The following AKNA variants were observed in gnomAD, a reference collection of about 807,000 sequenced individuals.
The protein encoded by AKNA is AT-hook transcription factor.
Under a neutral mutation model 138.8 loss-of-function variants are expected in AKNA, and 67 were observed. That is an observed-to-expected ratio of 0.48 (90% confidence interval 0.40 to 0.59). The LOEUF (loss-of-function observed/expected upper bound fraction) is 0.59, where lower values mean the gene tolerates loss of function less well. Ranked by LOEUF, AKNA falls within the 20% of genes least tolerant of loss-of-function variation. AKNA has a pLI of 0.00. For missense variants in AKNA, 1,813 were observed against 1,880.4 expected, an observed-to-expected ratio of 0.96 and a Z score of 0.66; for synonymous variants, 737 against 754.4, an observed-to-expected ratio of 0.98 and a Z score of 0.38.
chr9:114,386,713 C>G (rs1359741169), intron 1 of AKNA, among the ~76,000 whole-genome samples: 1 of 152,168 alleles, frequency 6.6e-6, no homozygotes, highest in African/African-American at 2.4e-5. Flanking sequence ...TAACAGACCC[C>G]TGAGGTGTCT....
At position 114,345,661 on chromosome 9, in the gene AKNA, CTGAATGAATGAA is replaced by C. The variant is rs201959374; in HGVS notation, c.3661+190_3661+201del. On this transcript the variant is annotated intron_variant, in intron 18 of 21. Coordinates refer to ENST00000374088, the MANE Select transcript of AKNA (RefSeq NM_001317950.2). ...AAGGGGAAGCATCAGAAAGTGTTTG[CTGAATGAATGAA>C]TGAATGAATGAATGAACAAGTGCAC... The C allele has an allele frequency of 1.5e-5, 8 of 545,286 alleles. No individual in the cohort carries two copies. In the Admixed American group the frequency reaches 2.8e-4, roughly 19 times the overall value. 33.8% of individuals were successfully genotyped at this position (545,286 alleles called of 1,614,324 possible). A position where few individuals can be genotyped will look rare whatever the true frequency, so the allele number is the denominator to read the frequency against.
chr9:114,372,802 C>T (rs779416309), intron 4 of AKNA, among the ~76,000 whole-genome samples: 49 of 152,216 alleles, frequency 3.2e-4, no homozygotes, highest in Admixed American at 4.6e-4. Context: ...CCAACTCCCC[C>T]GTCTCTTCCA....
intron 1 of AKNA, among the ~76,000 whole-genome samples, chr9:114,384,789 T>C (rs1051843181): frequency 6.6e-6 from 1 of 152,108 alleles, no homozygotes; most frequent in African/African-American, 2.4e-5. Context: ...TTGGGGGAGT[T>C]AAAAGTTATA....
upstream of AKNA, among the ~76,000 whole-genome samples, chr9:114,392,620 C>A (rs1834389192): frequency 6.6e-6 from 1 of 152,264 alleles, no homozygotes; most frequent in Non-Finnish European, 1.5e-5. Context: ...TGACTGTTCA[C>A]AAATAAATGG....
At chr9:114,391,853 C>CAAAAA (rs61158842), upstream of AKNA, among the ~76,000 whole-genome samples, 8 of 63,058 alleles carry the variant, frequency 1.3e-4, no homozygotes, top group South Asian at 7.4e-4. Context: ...GACTCTGTCT[C>CAAAAA]AAAAAAAAAA....
chr9:114,350,558 A>C (rs1215960313), intron 15 of AKNA, among the ~76,000 whole-genome samples: 2 of 152,344 alleles, frequency 1.3e-5, no homozygotes, highest in East Asian at 3.9e-4. Flanking sequence ...AGATAGCCCT[A>C]GAAAGGACAG....
At chr9:114,393,970 C>G (rs927251651) in intron 1 of AKNA, among the ~76,000 whole-genome samples, 1 of 151,872 alleles carries the variant, frequency 6.6e-6, no homozygotes, top group African/African-American at 2.4e-5. Flanking sequence ...GTCAGGAGTT[C>G]GAGACCAGCC....
chr9:114,367,923 AGAG>A, intron 5 of AKNA, among the ~76,000 whole-genome samples: 1 of 152,384 alleles, frequency 6.6e-6, no homozygotes, highest in Non-Finnish European at 1.5e-5. Context: ...TGGCTGGAGC[AGAG>A]CTACGCTAGG....
intron 1 of AKNA, among the ~76,000 whole-genome samples, chr9:114,394,086 C>A (rs1257840472): frequency 6.6e-6 from 1 of 151,972 alleles, no homozygotes; most frequent in Non-Finnish European, 1.5e-5. Flanking sequence ...GGCAGGAGAA[C>A]TGCCTCAACC....
intron 3 of AKNA, among the ~76,000 whole-genome samples, chr9:114,374,870 A>G (rs1833053277): frequency 6.6e-6 from 1 of 152,226 alleles, no homozygotes; most frequent in Admixed American, 6.5e-5. Flanking sequence ...GGCCCTTCCC[A>G]TAGGAACAAG....
chr9:114,385,238 G>GAGT (rs1833947631), intron 1 of AKNA, among the ~76,000 whole-genome samples: 1 of 152,120 alleles, frequency 6.6e-6, no homozygotes, highest in Admixed American at 6.5e-5. Context: ...ATCCCTGCCA[G>GAGT]GGATCTTAAG....
At chr9:114,365,976 C>T (rs574645293) in intron 6 of AKNA, among the ~76,000 whole-genome samples, 25 of 152,208 alleles carry the variant, frequency 1.6e-4, no homozygotes, top group Non-Finnish European at 2.6e-4. Context: ...AATGTGTCTC[C>T]GGCTACGGAA....
intron 2 of AKNA, 88 bp from the exon 3 acceptor site, chr9:114,377,620 T>C: frequency 7.6e-7 from 1 of 1,317,848 alleles, no homozygotes; most frequent in Non-Finnish European, 1.0e-6. Context: ...CTCTCTGGCT[T>C]CCATTTCCTC....
chr9:114,330,640 C>T (rs1829835607), downstream of AKNA: 1 of 1,600,256 alleles, frequency 6.2e-7, no homozygotes, highest in African/African-American at 1.4e-5. Flanking sequence ...GAGCAAGTCC[C>T]TCCTTCTTCC....
At chr9:114,387,808 C>T (rs1363891046) in intron 1 of AKNA, 52 bp downstream of exon 1, 4 of 407,028 alleles carry the variant, frequency 9.8e-6, no homozygotes, top group South Asian at 6.8e-5. Flanking sequence ...TGTGACTGGC[C>T]CGTCCAGAAG....
rs78980088 is a variant in AKNA at position 114,381,308 on chromosome 9, C to A, written c.26G>T (p.Arg9Leu). 1.2e-5 allele frequency: 20 copies of A among 1,604,274 alleles called. No individual in the cohort carries two copies. Among genetic ancestry groups the A allele is most frequent in the African/African-American group, 6.7e-5 (5 of 74,846 alleles). MASSETEI[R>L]WAEPGLGKGP... ...CTTCCCCAGGCCAGGCTCAGCCCAG[C>A]GGATCTCAGTCTCCGAGCTGGCCAT... The change falls in exon 2 of 22, where the codon CGC becomes CTC. Residue 9 changes from arginine to leucine, a missense_variant. Arg to Leu is a moderately radical substitution (Grantham distance 102). Transcript: ENST00000374088.
chr9:114,342,220 C>G, intron 19 of AKNA, 95 bp from the exon 20 acceptor site: 1 of 891,240 alleles, frequency 1.1e-6, no homozygotes, highest in Non-Finnish European at 1.7e-6. Flanking sequence ...GAGCTCTCCT[C>G]GGGACCCACT....
Position 114,359,972 on chromosome 9 carries a change from T to C in AKNA, c.2215A>G (p.Arg739Gly). The C allele has an allele frequency of 6.2e-7, 1 of 1,614,254 alleles. No homozygotes were observed. The highest frequency in any genetic ancestry group is 8.5e-7 in the Non-Finnish European group (1 of 1,180,044). ...VSSGNSEVEDRPQDPLARLRH... is the reference protein window; with the variant it reads ...VSSGNSEVEDGPQDPLARLRH... ...AGTCGGGCCAGGGGGTCCTGTGGCC[T>C]GTCCTCCACCTCACTGTTGCCAGAG... is the stretch of plus-strand genomic sequence containing the variant. The change falls in exon 10 of 22, where the codon AGG becomes GGG. Residue 739 changes from arginine (R) to glycine (G), a missense_variant. Arg to Gly is a moderately radical substitution (Grantham distance 125). Coordinates refer to ENST00000374088, the MANE Select transcript of AKNA (RefSeq NM_001317950.2).
At position 114,381,341 on chromosome 9, in the gene AKNA, G is replaced by T. The variant is rs769078803; in HGVS notation, c.-8C>A. 2.6e-6 allele frequency: 4 copies of T among 1,563,622 alleles called. No individual in the cohort carries two copies. The highest frequency in any genetic ancestry group is 3.5e-6 in the Non-Finnish European group (4 of 1,154,520). On this transcript the variant is annotated 5_prime_UTR_variant, in exon 2 of 22. Transcript: ENST00000374088. ...AGTCTCCGAGCTGGCCATTGGGGCT[G>T]GCCTGGGCTTCACCTGGGCCACTTC...
Sources: gnomAD v4.1 joint callset for allele counts (sites outside exome capture counted in the v4.1 genomes callset) on GRCh38, gnomAD v4.1.1 for gene constraint, MANE v1.5 for transcripts, NCBI Gene and HGNC (gene_info 2026-07-23, HGNC 2026-07-21) for gene names.